Variants in TPH2 observed in about 807,000 individuals in gnomAD.
TPH2 encodes the protein tryptophan 5-hydroxylase 2.
In TPH2, 27 loss-of-function variants were observed where a neutral mutation model predicts 59.1. The observed-to-expected ratio is 0.46, with a 90% CI of 0.34 to 0.63. The LOEUF (loss-of-function observed/expected upper bound fraction) is 0.63, where lower values mean the gene tolerates loss of function less well. TPH2 is among the 30% of genes least tolerant of loss of function. The pLI is 0.01. For missense variants in TPH2, 523 were observed against 588.3 expected, an observed-to-expected ratio of 0.89 and a Z score of 1.15; for synonymous variants, 220 against 210.5, an observed-to-expected ratio of 1.05 and a Z score of -0.39.
At chr12:71,977,248 A>T (rs916152106) in intron 6 of TPH2, among the ~76,000 whole-genome samples, 3 of 152,056 alleles carry the variant, frequency 2.0e-5, no homozygotes, top group Non-Finnish European at 4.4e-5. Flanking sequence ...GTAGATAAAA[A>T]GTTTTGCCAT....
intron 9 of TPH2, among the ~76,000 whole-genome samples, chr12:72,028,283 G>A (rs1873623211): frequency 6.6e-6 from 1 of 152,148 alleles, no homozygotes. Context: ...GTTCCCTGGG[G>A]ACATCAAGTA....
chr12:71,948,524 C>T (rs571289276), intron 4 of TPH2, among the ~76,000 whole-genome samples: 2 of 152,234 alleles, frequency 1.3e-5, no homozygotes, highest in East Asian at 3.9e-4. Context: ...AAGAGAGGGG[C>T]GATTTGCTAA....
At chr12:71,947,417 G>A (rs1871226449) in intron 4 of TPH2, among the ~76,000 whole-genome samples, 1 of 151,188 alleles carries the variant, frequency 6.6e-6, no homozygotes, top group East Asian at 1.9e-4. Context: ...AATTGAGAGA[G>A]GGAGGGTGGG....
intron 5 of TPH2, among the ~76,000 whole-genome samples, chr12:71,969,670 C>G (rs1456002822): frequency 6.6e-6 from 1 of 152,180 alleles, no homozygotes; most frequent in Non-Finnish European, 1.5e-5. Context: ...CATATGAATA[C>G]ACATACCTAT....
chr12:71,941,432 A>G, intron 1 of TPH2, 152 bp from the exon 2 acceptor site: 1 of 895,302 alleles, frequency 1.1e-6, no homozygotes, highest in Non-Finnish European at 1.7e-6. Flanking sequence ...TTTATGACTG[A>G]AAGTTATGAG....
chr12:71,956,858 C>G (rs1035352596), intron 5 of TPH2, among the ~76,000 whole-genome samples: 1 of 152,060 alleles, frequency 6.6e-6, no homozygotes, highest in African/African-American at 2.4e-5. Flanking sequence ...AATCTGTCTG[C>G]CTTGGCCTCC....
intron 5 of TPH2, chr12:71,964,643 T>G: frequency 1.0e-6 from 1 of 985,388 alleles, no homozygotes; most frequent in Non-Finnish European, 1.2e-6. Context: ...TAGTACTAGG[T>G]AACACTATGG....
At chr12:72,024,227 A>C (rs1245927857) in intron 9 of TPH2, among the ~76,000 whole-genome samples, 1 of 152,210 alleles carries the variant, frequency 6.6e-6, no homozygotes, top group African/African-American at 2.4e-5. Context: ...CTTCCTGTCA[A>C]GGGCCCTGCT....
intron 8 of TPH2, among the ~76,000 whole-genome samples, chr12:72,020,156 G>A (rs776519553): frequency 1.3e-5 from 2 of 152,174 alleles, no homozygotes; most frequent in Non-Finnish European, 2.9e-5. Flanking sequence ...TGTTACAAAG[G>A]GGGTGGGAGT....
chr12:72,031,114 G>C, intron 9 of TPH2, 144 bp from the exon 10 acceptor site: 2 of 1,146,202 alleles, frequency 1.7e-6, no homozygotes, highest in African/African-American at 1.5e-5. Context: ...CTGCACACAG[G>C]AGAGTTCCAT....
intron 8 of TPH2, among the ~76,000 whole-genome samples, chr12:72,009,331 G>A (rs77232852): frequency 0.046 from 6,981 of 152,184 alleles, 301 homozygotes; most frequent in East Asian, 0.17. Context: ...GAGTAAGTTG[G>A]CAAAATAACT....
intron 7 of TPH2, among the ~76,000 whole-genome samples, chr12:71,990,321 C>T (rs553046345): frequency 2.0e-5 from 3 of 152,252 alleles, no homozygotes; most frequent in South Asian, 4.1e-4. Flanking sequence ...CAGGACACAG[C>T]GCAGTGGCAT....
chr12:72,024,426 T>C (rs1873512556), intron 9 of TPH2, among the ~76,000 whole-genome samples: 1 of 152,224 alleles, frequency 6.6e-6, no homozygotes, highest in South Asian at 2.1e-4. Flanking sequence ...GATGACCTGA[T>C]GTAGTATGGT....
At chr12:72,025,024 C>G (rs1234830491) in intron 9 of TPH2, among the ~76,000 whole-genome samples, 1 of 152,120 alleles carries the variant, frequency 6.6e-6, no homozygotes, top group Non-Finnish European at 1.5e-5. Context: ...TCCCTAGCAT[C>G]TCTTCCCCCA....
At chr12:71,951,435 T>C (rs897303508) in intron 5 of TPH2, among the ~76,000 whole-genome samples, 2 of 152,120 alleles carry the variant, frequency 1.3e-5, no homozygotes, top group African/African-American at 4.8e-5. Context: ...TTAGATAAAG[T>C]AGATAGCTTC....
intron 5 of TPH2, among the ~76,000 whole-genome samples, chr12:71,970,584 C>G (rs1871945599): frequency 6.6e-6 from 1 of 152,208 alleles, no homozygotes; most frequent in South Asian, 2.1e-4. Context: ...ATGCACAGCC[C>G]TTATTAGCTT....
Position 72,031,565 on chromosome 12 carries a change from A to G in TPH2, c.1343A>G (p.Asn448Ser), listed in dbSNP as rs773992105. 2.7e-5 allele frequency: 44 copies of G among 1,613,412 alleles called. No individual in the cohort carries two copies. The highest frequency in any genetic ancestry group is 5.0e-5 in the Admixed American group (3 of 59,934). The change falls in exon 11 of 11, where the codon AAT becomes AGT. Residue 448 changes from asparagine (N) to serine (S), a missense_variant. Physicochemically the swap from Asn to Ser is conservative, Grantham distance 46. Coordinates refer to ENST00000333850, the MANE Select transcript of TPH2 (RefSeq NM_173353.4). The stretch of plus-strand genomic sequence containing the variant: ...ACCCGTCCCTTCTCAGTATACTTCA[A>G]TCCCTACACACAGAGTATTGAAATT... Reference protein sequence around the residue: ...SITRPFSVYFNPYTQSIEILK... With the variant: ...SITRPFSVYFSPYTQSIEILK...
At chr12:72,008,476 G>A (rs531375507) in intron 8 of TPH2, among the ~76,000 whole-genome samples, 35 of 152,238 alleles carry the variant, frequency 2.3e-4, no homozygotes, top group African/African-American at 4.1e-4. Context: ...TAGCTCTTAC[G>A]TTTATTTAGC....
rs143211215 is a variant in TPH2, at chr12:72,002,037, A to G, written c.1068+7472A>G. ...TAATAATGTCTATTTCAAAATAACT[A>G]AGAGAGTAACTTTCAAAAGTCTCAC... On this transcript the variant is annotated intron_variant, in intron 8 of 10. Coordinates refer to ENST00000333850, the MANE Select transcript of TPH2 (RefSeq NM_173353.4). 4.1e-3 allele frequency among the ~76,000 whole-genome samples: 625 copies of G among 152,314 alleles called. 2 individuals are homozygous for G. Among genetic ancestry groups the G allele is most frequent in the African/African-American group, 0.014 (593 of 41,570 alleles).
Sources: allele counts gnomAD v4.1 joint callset (sites outside exome capture counted in the v4.1 genomes callset), GRCh38; gene constraint gnomAD v4.1.1; transcripts MANE v1.5; gene names NCBI Gene and HGNC (gene_info 2026-07-23, HGNC 2026-07-21).